ZC3H3: variants seen among roughly 807,000 people sequenced by gnomAD.
The protein encoded by ZC3H3 is zinc finger CCCH-type containing 3, also known as zinc finger CCCH domain-containing protein 3.
A neutral mutation model predicts 77.3 loss-of-function variants in ZC3H3; 36 were observed. The observed-to-expected ratio is 0.47, with a 90% CI of 0.36 to 0.61. The LOEUF (loss-of-function observed/expected upper bound fraction) is 0.61, where lower values mean the gene tolerates loss of function less well. Among genes scored for constraint, ZC3H3 ranks in the 20% least tolerant of loss-of-function variants. The pLI is 0.00. For missense variants in ZC3H3, 1,331 were observed against 1,312.2 expected, an observed-to-expected ratio of 1.01 and a Z score of -0.22; for synonymous variants, 626 against 555.2, an observed-to-expected ratio of 1.13 and a Z score of -1.79.
chr8:143,518,336 C>G (rs1213742014), intron 3 of ZC3H3, among the ~76,000 whole-genome samples: 1 of 152,200 alleles, frequency 6.6e-6, no homozygotes, highest in Non-Finnish European at 1.5e-5. Flanking sequence ...CTGGGGCCAA[C>G]TGGCTGCCGG....
intron 3 of ZC3H3, among the ~76,000 whole-genome samples, chr8:143,516,898 C>G (rs986343294): frequency 6.6e-6 from 1 of 152,232 alleles, no homozygotes; most frequent in Non-Finnish European, 1.5e-5. Context: ...AGCAGCCATC[C>G]GCAGTGCAGT....
intron 4 of ZC3H3, among the ~76,000 whole-genome samples, chr8:143,499,917 C>T (rs1011211349): frequency 1.3e-5 from 2 of 152,226 alleles, no homozygotes; most frequent in East Asian, 1.9e-4. Flanking sequence ...CGCAGCAGTG[C>T]CGCCTCTCAG....
At chr8:143,502,976 G>A (rs1299934309) in intron 4 of ZC3H3, among the ~76,000 whole-genome samples, 2 of 152,228 alleles carry the variant, frequency 1.3e-5, no homozygotes, top group African/African-American at 4.8e-5. Context: ...TATGCGTAAG[G>A]CAGCAGTACA....
chr8:143,437,948 T>C lies in ZC3H3; in HGVS notation c.*108A>G, dbSNP rs1819627982. On this transcript the variant is annotated 3_prime_UTR_variant, in exon 12 of 12. Coordinates refer to ENST00000262577, the MANE Select transcript of ZC3H3 (RefSeq NM_015117.3). The stretch of plus-strand genomic sequence containing the variant: ...GAGCAGTGTCCCTGTGGCCCCCAGG[T>C]GAGGCTTGGTGGCGGGCGGCCCTCC... 2.1e-5 allele frequency: 30 copies of C among 1,450,068 alleles called. No homozygotes were observed. The South Asian group carries it at 2.7e-4, about 13-fold the overall frequency. 89.8% of individuals were successfully genotyped at this position (1,450,068 alleles called of 1,614,324 possible). A position where few individuals can be genotyped will look rare whatever the true frequency, so the allele number is the denominator to read the frequency against.
In ZC3H3 at chr8:143,437,823, C is replaced by A; in HGVS notation, c.*233G>T. ...GCCTGGAGGCCAGCCCTGCCTGGCA[C>A]CCTGGAAGGTGGTGGGGTGGGGACA... On this transcript the variant is annotated 3_prime_UTR_variant, in exon 12 of 12. Coordinates refer to ENST00000262577, the MANE Select transcript of ZC3H3 (RefSeq NM_015117.3). 1 of 585,184 alleles carries A rather than the reference C, an allele frequency of 1.7e-6. No homozygotes were observed. Among genetic ancestry groups the A allele is most frequent in the East Asian group, 3.0e-5 (1 of 33,394 alleles). 36.2% of individuals were successfully genotyped at this position (585,184 alleles called of 1,614,324 possible).
chr8:143,460,179 C>T lies in ZC3H3; in HGVS notation c.2307+5538G>A, dbSNP rs562753439. ...AGGAGAATCACTCGAACCCGGGAGG[C>T]GGAAGTTGCAGTGAGCCGAGATCAT... is the stretch of plus-strand genomic sequence containing the variant. On this transcript the variant is annotated intron_variant, in intron 9 of 11. Transcript: ENST00000262577. This position sits in a 1 kb window ranked among gnomAD's most constrained non-coding sequence, Gnocchi z 4.0. 2.0e-5 allele frequency among the ~76,000 whole-genome samples: 3 copies of T among 151,746 alleles called. No individual in the cohort carries two copies. Among genetic ancestry groups the T allele is most frequent in the South Asian group, 2.1e-4 (1 of 4,796 alleles).
chr8:143,534,643 CA>C (rs1822734184), intron 3 of ZC3H3, among the ~76,000 whole-genome samples: 1 of 96,224 alleles, frequency 1.0e-5, no homozygotes, highest in Non-Finnish European at 2.5e-5. Flanking sequence ...GACACCTCCC[CA>C]ACCCCTCCTC....
intron 4 of ZC3H3, among the ~76,000 whole-genome samples, chr8:143,498,804 GGAGGGGCACAGGGCGGGGCA>G (rs1563862051): frequency 8.5e-6 from 1 of 117,130 alleles, no homozygotes; most frequent in South Asian, 3.1e-4. Flanking sequence ...AGGGCGGGGC[GGAGGGGCACAGGGCGGGGCA>G]GAGGGGCACA....
At chr8:143,517,329 G>A (rs754886672) in intron 3 of ZC3H3, among the ~76,000 whole-genome samples, 2 of 152,136 alleles carry the variant, frequency 1.3e-5, no homozygotes, top group African/African-American at 4.8e-5. Context: ...GCCCTCCACG[G>A]CTGGAGAAGA....
At chr8:143,459,278 T>C (rs1820196394) in intron 9 of ZC3H3, among the ~76,000 whole-genome samples, 1 of 152,224 alleles carries the variant, frequency 6.6e-6, no homozygotes, top group Non-Finnish European at 1.5e-5. Flanking sequence ...CCAGGTGCAA[T>C]GGCTCACGCC....
rs879346244 is a variant in ZC3H3, at chr8:143,516,542, CACACACACACACACACACACACACAT to C, written c.1562-8669_1562-8644del. Among the ~76,000 whole-genome samples the C allele has an allele frequency of 2.6e-3, 372 of 140,602 alleles. 1 individual carries two copies. The highest frequency in any genetic ancestry group is 4.2e-3 in the Non-Finnish European group (274 of 65,414). The allele number at this position is 140,602 out of a possible 152,430, so 92.2% of individuals were successfully genotyped here. A position where few individuals can be genotyped will look rare whatever the true frequency, so the allele number is the denominator to read the frequency against. ...CTTTGCAATCACACACACACACACACACACACACACACACACACACACACATACACACACACACTCACTCTCATGCA... is the reference window on the plus strand; with the variant it reads ...CTTTGCAATCACACACACACACACACACACACACACACTCACTCTCATGCA... On this transcript the variant is annotated intron_variant, in intron 3 of 11. Transcript: ENST00000262577.
intron 4 of ZC3H3, among the ~76,000 whole-genome samples, chr8:143,490,654 C>T (rs959403994): frequency 3.3e-5 from 5 of 152,224 alleles, no homozygotes; most frequent in African/African-American, 1.2e-4. Flanking sequence ...GTGGCTCATG[C>T]CTGTAATCCC....
chr8:143,498,215 C>T (rs954560119), intron 4 of ZC3H3, among the ~76,000 whole-genome samples: 2 of 152,212 alleles, frequency 1.3e-5, no homozygotes, highest in Non-Finnish European at 2.9e-5. Flanking sequence ...GTGGCAGCAG[C>T]CACAAAACCC....
intron 4 of ZC3H3, among the ~76,000 whole-genome samples, chr8:143,502,291 G>A (rs1435534291): frequency 6.6e-6 from 1 of 152,266 alleles, no homozygotes; most frequent in Admixed American, 6.5e-5. Flanking sequence ...AGGAGGTGGG[G>A]CAGGGTGGCT....
At position 143,460,121 on chromosome 8, in the gene ZC3H3, A is replaced by T. The variant is rs1424569195; in HGVS notation, c.2307+5596T>A. On this transcript the variant is annotated intron_variant, in intron 9 of 11. Coordinates refer to ENST00000262577, the MANE Select transcript of ZC3H3 (RefSeq NM_015117.3). This position sits in a 1 kb window ranked among gnomAD's most constrained non-coding sequence, Gnocchi z 4.0. ...ATTAGCTGGGTTTGGTGGCACATGC[A>T]CCTGTAGTCCCAGCTACTTGGGAGG... 6.6e-6 allele frequency among the ~76,000 whole-genome samples: 1 copy of T among 151,832 alleles called. No homozygotes were observed. Among genetic ancestry groups the T allele is most frequent in the Non-Finnish European group, 1.5e-5 (1 of 67,940 alleles).
intron 9 of ZC3H3, among the ~76,000 whole-genome samples, chr8:143,448,559 C>T (rs1205771774): frequency 1.3e-5 from 2 of 152,214 alleles, no homozygotes; most frequent in African/African-American, 4.8e-5. Flanking sequence ...CACAGTGATG[C>T]AAGGGGAGGG....
At chr8:143,484,449 CA>C (rs1224123024) in intron 4 of ZC3H3, 1 of 154,650 alleles carries the variant, frequency 6.5e-6, no homozygotes. Flanking sequence ...GGATGCATTA[CA>C]AGCTTTCCCT....
At chr8:143,496,840 C>G (rs896693405) in intron 4 of ZC3H3, among the ~76,000 whole-genome samples, 7 of 152,226 alleles carry the variant, frequency 4.6e-5, no homozygotes, top group African/African-American at 1.7e-4. Flanking sequence ...GGCTTTCCCG[C>G]CAAAATTGCG....
At chr8:143,446,778 C>T (rs763481854) in intron 9 of ZC3H3, among the ~76,000 whole-genome samples, 2 of 152,284 alleles carry the variant, frequency 1.3e-5, no homozygotes, top group Non-Finnish European at 2.9e-5. Flanking sequence ...AGCCAATGTC[C>T]ACACTGCCTG....
Sources: allele counts gnomAD v4.1 joint callset (sites outside exome capture counted in the v4.1 genomes callset), GRCh38; gene constraint gnomAD v4.1.1; non-coding constraint Gnocchi (gnomAD v3.1); transcripts MANE v1.5; gene names NCBI Gene and HGNC (gene_info 2026-07-23, HGNC 2026-07-21).